Variants in HOMER1 observed in about 807,000 individuals in gnomAD.
HOMER1 encodes the protein homer protein homolog 1.
A neutral mutation model predicts 48.9 loss-of-function variants in HOMER1; 3 were observed. That is an observed-to-expected ratio of 0.06 (90% CI 0.03 to 0.16). The LOEUF is 0.16. HOMER1 is among the 10% of genes least tolerant of loss of function. HOMER1 has a pLI of 1.00. For missense variants in HOMER1, 247 were observed against 411.4 expected, an observed-to-expected ratio of 0.60 and a Z score of 3.46; for synonymous variants, 134 against 146.4, an observed-to-expected ratio of 0.92 and a Z score of 0.61.
chr5:79,426,033 T>C (rs550077336), intron 5 of HOMER1, among the ~76,000 whole-genome samples: 5 of 151,394 alleles, frequency 3.3e-5, no homozygotes, highest in African/African-American at 1.2e-4. Flanking sequence ...AAAACCTTAA[T>C]TGATGAAAAT....
chr5:79,446,766 T>G (rs147419679), intron 4 of HOMER1, among the ~76,000 whole-genome samples: 1 of 150,734 alleles, frequency 6.6e-6, no homozygotes, highest in Admixed American at 6.7e-5. Flanking sequence ...GCTTCCCAAG[T>G]AGCTGAGACC....
chr5:79,386,110 C>A (rs1228133596), intron 8 of HOMER1, among the ~76,000 whole-genome samples: 1 of 151,854 alleles, frequency 6.6e-6, no homozygotes, highest in Admixed American at 6.6e-5. Context: ...AATCCCAATA[C>A]TGGATATATG....
chr5:79,456,718 A>G (rs1284005294), intron 2 of HOMER1, 144 bp downstream of exon 2: 1 of 679,834 alleles, frequency 1.5e-6, no homozygotes, highest in Non-Finnish European at 2.4e-6. Flanking sequence ...TGCTACCTTA[A>G]TAATCCATTT....
intron 1 of HOMER1, among the ~76,000 whole-genome samples, chr5:79,477,571 A>G (rs1325284151): frequency 6.6e-6 from 1 of 152,254 alleles, no homozygotes; most frequent in Non-Finnish European, 1.5e-5. Flanking sequence ...TTCAAATTGA[A>G]CAGGGAGGTT....
chr5:79,430,705 G>A (rs570403199), intron 5 of HOMER1, among the ~76,000 whole-genome samples: 6 of 151,666 alleles, frequency 4.0e-5, no homozygotes, highest in Middle Eastern at 3.5e-3. Flanking sequence ...TTGGGAGGCC[G>A]AGGCGGGTGG....
At chr5:79,440,308 A>C (rs62363111) in intron 4 of HOMER1, among the ~76,000 whole-genome samples, 131 of 152,274 alleles carry the variant, frequency 8.6e-4, no homozygotes, top group Non-Finnish European at 1.6e-3. Flanking sequence ...ACGTGGTGAG[A>C]CTTTTGTTTT....
intron 1 of HOMER1, among the ~76,000 whole-genome samples, chr5:79,495,675 T>C (rs1163403793): frequency 6.6e-6 from 1 of 152,250 alleles, no homozygotes; most frequent in Non-Finnish European, 1.5e-5. Context: ...GTCAGTGCTC[T>C]GTTTTCCTTA....
chr5:79,489,269 C>A (rs1752205149), intron 1 of HOMER1, among the ~76,000 whole-genome samples: 1 of 152,138 alleles, frequency 6.6e-6, no homozygotes, highest in Admixed American at 6.5e-5. Context: ...TAGTTTGACA[C>A]CGTACCAATG....
At chr5:79,377,374 CA>C (rs1748803825) in intron 8 of HOMER1, among the ~76,000 whole-genome samples, 1 of 151,988 alleles carries the variant, frequency 6.6e-6, no homozygotes, top group South Asian at 2.1e-4. Flanking sequence ...TTAAAAAAAT[CA>C]GATTGAGAAA....
intron 5 of HOMER1, among the ~76,000 whole-genome samples, chr5:79,406,543 G>C (rs1229006800): frequency 6.6e-6 from 1 of 152,178 alleles, no homozygotes; most frequent in Non-Finnish European, 1.5e-5. Context: ...ACTAGAGAAA[G>C]GATCCTGGAT....
chr5:79,441,955 T>C (rs1039777858), intron 4 of HOMER1, among the ~76,000 whole-genome samples: 1 of 146,762 alleles, frequency 6.8e-6, no homozygotes, highest in African/African-American at 2.5e-5. Context: ...CTACTTCAGT[T>C]ATTCTTTTTT....
chr5:79,391,560 C>T (rs960012946), intron 8 of HOMER1, among the ~76,000 whole-genome samples: 1 of 151,534 alleles, frequency 6.6e-6, no homozygotes, highest in African/African-American at 2.4e-5. Flanking sequence ...CTGGCTAACA[C>T]GGTGAAACTC....
At chr5:79,413,592 C>G (rs1024251414) in intron 5 of HOMER1, among the ~76,000 whole-genome samples, 1 of 152,062 alleles carries the variant, frequency 6.6e-6, no homozygotes, top group South Asian at 2.1e-4. Flanking sequence ...CCCCCACCCC[C>G]TACCCCCATA....
At chr5:79,458,747 CTTGT>C (rs1474994859) in intron 1 of HOMER1, among the ~76,000 whole-genome samples, 1 of 152,116 alleles carries the variant, frequency 6.6e-6, no homozygotes, top group Non-Finnish European at 1.5e-5. Flanking sequence ...GCCATTACTT[CTTGT>C]TTAACTGCCA....
intron 1 of HOMER1, among the ~76,000 whole-genome samples, chr5:79,478,073 C>A (rs1273945048): frequency 2.0e-5 from 3 of 152,118 alleles, no homozygotes; most frequent in African/African-American, 7.2e-5. Context: ...GGCATTTTAA[C>A]AAGACCATTT....
intron 1 of HOMER1, among the ~76,000 whole-genome samples, chr5:79,487,129 A>G (rs1752127287): frequency 1.3e-5 from 2 of 152,112 alleles, no homozygotes; most frequent in African/African-American, 4.8e-5. Context: ...AAATACAAAA[A>G]TTAGCCAAGC....
chr5:79,472,294 A>C (rs553377610), intron 1 of HOMER1, among the ~76,000 whole-genome samples: 1 of 152,334 alleles, frequency 6.6e-6, no homozygotes, highest in South Asian at 2.1e-4. Flanking sequence ...ATATATTTAT[A>C]AGAAAAAAAA....
intron 2 of HOMER1, among the ~76,000 whole-genome samples, chr5:79,455,264 CA>C (rs1222202061): frequency 6.6e-6 from 1 of 152,142 alleles, no homozygotes; most frequent in Non-Finnish European, 1.5e-5. Flanking sequence ...ATACTTTGCT[CA>C]AGATCAGATG....
chr5:79,500,049 A>G (rs993648227), intron 1 of HOMER1, among the ~76,000 whole-genome samples: 1 of 152,224 alleles, frequency 6.6e-6, no homozygotes, highest in Non-Finnish European at 1.5e-5. Context: ...CTGCAGATTG[A>G]GGTCTGCAGC....
Sources: allele counts gnomAD v4.1 joint callset (sites outside exome capture counted in the v4.1 genomes callset), GRCh38; gene constraint gnomAD v4.1.1; transcripts MANE v1.5; gene names NCBI Gene and HGNC (gene_info 2026-07-23, HGNC 2026-07-21).